The following DAB1 variants were observed in gnomAD, a reference collection of about 807,000 sequenced individuals.
The protein encoded by DAB1 is DAB adaptor protein 1, also known as disabled homolog 1.
DAB1 carries 15 observed loss-of-function variants against 64.6 expected under a neutral mutation model. The observed-to-expected ratio is 0.23, with a 90% confidence interval of 0.16 to 0.36. The LOEUF (loss-of-function observed/expected upper bound fraction) is 0.36. DAB1 is among the 10% of genes least tolerant of loss of function. The pLI is 1.00. For missense variants in DAB1, 596 were observed against 706.7 expected (o/e 0.84, Z 1.78); for synonymous variants, 235 against 251.9 (o/e 0.93, Z 0.64).
At chr1:58,187,626 C>A (rs1657156220) in intron 4 of DAB1, among the ~76,000 whole-genome samples, 1 of 150,700 alleles carries the variant, frequency 6.6e-6, no homozygotes, top group African/African-American at 2.4e-5. Context: ...GTCACCCAGG[C>A]TGGAGTGCAA....
chr1:57,242,777 T>C (rs1050044631), intron 2 of DAB1, among the ~76,000 whole-genome samples: 1 of 152,184 alleles, frequency 6.6e-6, no homozygotes, highest in African/African-American at 2.4e-5. Flanking sequence ...TTTTAAGCAA[T>C]GTTTAAACCT....
intron 11 of DAB1, among the ~76,000 whole-genome samples, chr1:57,015,635 C>A (rs1486311560): frequency 1.3e-5 from 2 of 152,214 alleles, no homozygotes; most frequent in African/African-American, 4.8e-5. Context: ...GGGAAATCCT[C>A]TCTGAGGAGA....
At chr1:58,447,899 A>T (rs1188561847) in intron 3 of DAB1, among the ~76,000 whole-genome samples, 1 of 151,294 alleles carries the variant, frequency 6.6e-6, no homozygotes, top group East Asian at 1.9e-4. Flanking sequence ...AGACTGGAGG[A>T]GGCAGAGTTT....
intron 6 of DAB1, among the ~76,000 whole-genome samples, chr1:57,715,532 G>A (rs950257055): frequency 9.2e-5 from 14 of 152,210 alleles, no homozygotes; most frequent in Admixed American, 4.6e-4. Flanking sequence ...TGATATATAC[G>A]TATCGAAAAC....
At chr1:57,573,594 C>T (rs999877914) in intron 7 of DAB1, among the ~76,000 whole-genome samples, 1 of 152,178 alleles carries the variant, frequency 6.6e-6, no homozygotes, top group Non-Finnish European at 1.5e-5. Context: ...GACTTGAACA[C>T]ATATTAGGAT....
At chr1:58,431,025 A>G (rs909821700) in intron 3 of DAB1, among the ~76,000 whole-genome samples, 1 of 152,208 alleles carries the variant, frequency 6.6e-6, no homozygotes, top group African/African-American at 2.4e-5. Context: ...TATGACACAT[A>G]GTAATTTGTC....
intron 3 of DAB1, among the ~76,000 whole-genome samples, chr1:58,453,317 T>A (rs1056683476): frequency 4.6e-5 from 7 of 152,144 alleles, no homozygotes; most frequent in African/African-American, 1.7e-4. Flanking sequence ...GTGTCACTAA[T>A]CTATACATGT....
intron 6 of DAB1, among the ~76,000 whole-genome samples, chr1:57,815,200 CTTGGA>C (rs1389661910): frequency 6.6e-6 from 1 of 152,014 alleles, no homozygotes; most frequent in Non-Finnish European, 1.5e-5. Flanking sequence ...TCCAGAGCAG[CTTGGA>C]CTACAGGCAC....
At chr1:57,656,299 C>T (rs1313328854) in intron 6 of DAB1, among the ~76,000 whole-genome samples, 2 of 152,110 alleles carry the variant, frequency 1.3e-5, no homozygotes, top group African/African-American at 4.8e-5. Flanking sequence ...TTTTAGTCAC[C>T]TCAAGGAGAG....
intron 9 of DAB1, among the ~76,000 whole-genome samples, chr1:57,049,656 C>T (rs1648973136): frequency 6.6e-6 from 1 of 151,940 alleles, no homozygotes; most frequent in Admixed American, 6.6e-5. Flanking sequence ...GCTTTTTCAT[C>T]TGCAATGCCT....
At chr1:57,119,771 C>T (rs984733462) in intron 4 of DAB1, among the ~76,000 whole-genome samples, 28 of 152,022 alleles carry the variant, frequency 1.8e-4, no homozygotes, top group African/African-American at 5.8e-4. Context: ...ACCATGTGGG[C>T]GGTTCCCTAC....
At chr1:58,178,170 T>C (rs933818547) in intron 4 of DAB1, among the ~76,000 whole-genome samples, 5 of 152,184 alleles carry the variant, frequency 3.3e-5, no homozygotes, top group Admixed American at 3.3e-4. Context: ...CTTCTCTCAA[T>C]CTTTTCCAAT....
intron 4 of DAB1, among the ~76,000 whole-genome samples, chr1:58,335,935 A>C (rs1663107039): frequency 6.6e-6 from 1 of 152,330 alleles, no homozygotes; most frequent in East Asian, 1.9e-4. Flanking sequence ...CATCTGAATG[A>C]ACGTGGAAAA....
intron 5 of DAB1, among the ~76,000 whole-genome samples, chr1:58,032,036 G>A (rs949119968): frequency 7.7e-6 from 1 of 129,956 alleles, no homozygotes; most frequent in Non-Finnish European, 1.7e-5. Flanking sequence ...GTGTGTGTGT[G>A]TGTTTAATCT....
chr1:58,509,352 A>G (rs1646037218), intron 2 of DAB1, among the ~76,000 whole-genome samples: 1 of 152,082 alleles, frequency 6.6e-6, no homozygotes, highest in Non-Finnish European at 1.5e-5. Context: ...AAAAAGTACT[A>G]AACAGAAATT....
intron 9 of DAB1, among the ~76,000 whole-genome samples, chr1:57,061,357 C>T (rs1401344615): frequency 6.6e-6 from 1 of 152,042 alleles, no homozygotes; most frequent in African/African-American, 2.4e-5. Context: ...AGAAAGACTC[C>T]CAACTTGGAG....
intron 7 of DAB1, among the ~76,000 whole-genome samples, chr1:57,497,964 C>T (rs1644249010): frequency 6.6e-6 from 1 of 152,124 alleles, no homozygotes; most frequent in African/African-American, 2.4e-5. Context: ...TCAGGAGGCC[C>T]TTGCAGTAGT....
chr1:58,545,749 T>G (rs1400082416), intron 1 of DAB1, among the ~76,000 whole-genome samples: 1 of 152,236 alleles, frequency 6.6e-6, no homozygotes, highest in Non-Finnish European at 1.5e-5. Flanking sequence ...CAACTCTTGC[T>G]GAAAATGACT....
chr1:57,527,034 G>C (rs1374244890), intron 7 of DAB1, among the ~76,000 whole-genome samples: 1 of 152,088 alleles, frequency 6.6e-6, no homozygotes, highest in Non-Finnish European at 1.5e-5. Flanking sequence ...TTCTGGGTAA[G>C]AAATGAAGAC....
Sources: gnomAD v4.1 joint callset for allele counts (sites outside exome capture counted in the v4.1 genomes callset) on GRCh38, gnomAD v4.1.1 for gene constraint, MANE v1.5 for transcripts, NCBI Gene and HGNC (gene_info 2026-07-23, HGNC 2026-07-21) for gene names.